The following PMEPA1 variants were observed in gnomAD, a reference collection of about 807,000 sequenced individuals.
PMEPA1 encodes the protein prostate transmembrane protein, androgen induced 1.
In PMEPA1, 11 loss-of-function variants were observed where a neutral mutation model predicts 23.0. The ratio of observed to expected loss-of-function variants is 0.48; its 90% CI spans 0.30 to 0.79. The LOEUF is 0.79. Ranked by LOEUF, PMEPA1 falls within the 30% of genes least tolerant of loss-of-function variation. The probability of loss-of-function intolerance (pLI) is 0.06; values close to 1 mark genes in which losing one functional copy is unlikely to be tolerated. For missense variants in PMEPA1, 377 were observed against 390.9 expected, an observed-to-expected ratio of 0.96 and a Z score of 0.30; for synonymous variants, 204 against 166.4, an observed-to-expected ratio of 1.23 and a Z score of -1.74.
chr20:57,710,048 G>A (rs2072151581), upstream of PMEPA1: 1 of 1,001,088 alleles, frequency 1.0e-6, no homozygotes, highest in Non-Finnish European at 1.2e-6. Context: ...GGTTCCCACC[G>A]CGCGGGGGCC....
At chr20:57,670,161 G>A (rs911171948) in intron 1 of PMEPA1, among the ~76,000 whole-genome samples, 6 of 143,836 alleles carry the variant, frequency 4.2e-5, no homozygotes, top group Admixed American at 7.0e-5. Context: ...CAGACATCTC[G>A]CTTCCTGGGC....
chr20:57,699,499 A>G (rs1396808547), intron 1 of PMEPA1, among the ~76,000 whole-genome samples: 1 of 152,176 alleles, frequency 6.6e-6, no homozygotes, highest in Non-Finnish European at 1.5e-5. Context: ...GAGCTATGTT[A>G]AAGAGCCCCA....
chr20:57,658,770 T>C (rs978561560), intron 2 of PMEPA1, among the ~76,000 whole-genome samples: 3 of 152,168 alleles, frequency 2.0e-5, no homozygotes, highest in African/African-American at 7.2e-5. Flanking sequence ...CTCCAAGGCA[T>C]TGTGACCACA....
chr20:57,688,804 G>T (rs3795099), intron 1 of PMEPA1, among the ~76,000 whole-genome samples: 35,566 of 152,128 alleles, frequency 0.23, 5,177 homozygotes, highest in East Asian at 0.55. Flanking sequence ...AGTACTTGGA[G>T]CTTCTTGTCA....
At position 57,662,101 on chromosome 20, in the gene PMEPA1, A is replaced by C. The variant is rs139328621; in HGVS notation, c.110-2404T>G. On this transcript the variant is annotated intron_variant, in intron 1 of 3. Transcript: ENST00000341744. The stretch of plus-strand genomic sequence containing the variant: ...CCATTGTCTACACTGCTAATGAGCC[A>C]GTGTTTCTCAGCTGGGGCCACGTCT... Among the ~76,000 whole-genome samples the C allele has an allele frequency of 4.5e-3, 646 of 144,728 alleles. 11 individuals carry two copies. Among genetic ancestry groups the C allele is most frequent in the African/African-American group, 0.016 (623 of 38,010 alleles). The allele number at this position is 144,728 out of a possible 152,430, so 94.9% of individuals were successfully genotyped here.
rs1040396519 is a variant in PMEPA1, at chr20:57,655,352, C to T, written c.265-2266G>A. Among the ~76,000 whole-genome samples the T allele has an allele frequency of 9.2e-5, 14 of 152,206 alleles. No homozygotes were observed. The highest frequency in any genetic ancestry group is 2.6e-4 in the Admixed American group (4 of 15,290). On this transcript the variant is annotated intron_variant, in intron 2 of 3. Transcript: ENST00000341744. The surrounding 1 kb of genome is among the most constrained non-coding windows in gnomAD (Gnocchi z 4.2). ...TCCCATCTCCTCCAGTCCCCTCCTGCACCACAGCCTTTGTCCCTCTGCCCC... is the reference window on the plus strand; with the variant it reads ...TCCCATCTCCTCCAGTCCCCTCCTGTACCACAGCCTTTGTCCCTCTGCCCC...
At chr20:57,690,589 G>A in intron 1 of PMEPA1, 1 of 1,243,226 alleles carries the variant, frequency 8.0e-7, no homozygotes, top group South Asian at 1.4e-5. Flanking sequence ...CGGGTGTAGA[G>A]GGTCATGTGC....
chr20:57,649,935 C>T lies in PMEPA1; in HGVS notation c.*2118G>A, dbSNP rs1413557829. The T allele has an allele frequency of 6.6e-6, 1 of 152,668 alleles. No homozygotes were observed. Among genetic ancestry groups the T allele is most frequent in the Non-Finnish European group, 1.5e-5 (1 of 68,042 alleles). 9.5% of individuals were successfully genotyped at this position (152,668 alleles called of 1,614,324 possible). A position where few individuals can be genotyped will look rare whatever the true frequency, so the allele number is the denominator to read the frequency against. ...TAAAGGAAAGATACGTTTTAATCAT[C>T]TTTACAAGTGCGTCCTTGTACCTTT... is the stretch of plus-strand genomic sequence containing the variant. On this transcript the variant is annotated 3_prime_UTR_variant, in exon 4 of 4. Coordinates refer to ENST00000341744, the MANE Select transcript of PMEPA1 (RefSeq NM_020182.5).
chr20:57,670,206 G>C (rs157082), intron 1 of PMEPA1, among the ~76,000 whole-genome samples: 23,655 of 149,490 alleles, frequency 0.16, 2,010 homozygotes, highest in South Asian at 0.26. Context: ...GGGGTGGGGT[G>C]GGGGGGGTAG....
intron 1 of PMEPA1, among the ~76,000 whole-genome samples, chr20:57,674,757 G>A (rs553991646): frequency 4.3e-4 from 66 of 152,128 alleles, no homozygotes; most frequent in African/African-American, 1.3e-3. Context: ...TATATTTATC[G>A]TGCCCCTGCT....
In PMEPA1 at chr20:57,655,626, C is replaced by G. The variant is rs1302873378; in HGVS notation, c.265-2540G>C. ...GCCTCTGGCTATGTCTGCCAGTCAC[C>G]CCAGGTGGAGGACAAGGACAGGTTC... On this transcript the variant is annotated intron_variant, in intron 2 of 3. Coordinates refer to ENST00000341744, the MANE Select transcript of PMEPA1 (RefSeq NM_020182.5). The surrounding 1 kb of genome is among the most constrained non-coding windows in gnomAD (Gnocchi z 4.2). Among the ~76,000 whole-genome samples, 1 of 152,162 alleles carries G rather than the reference C, an allele frequency of 6.6e-6. No homozygotes were observed.
chr20:57,693,098 G>A (rs979302615), intron 1 of PMEPA1, among the ~76,000 whole-genome samples: 1 of 152,218 alleles, frequency 6.6e-6, no homozygotes, highest in Non-Finnish European at 1.5e-5. Context: ...TGGCCGCCTC[G>A]CTCTGCGTTC....
Position 57,651,728 on chromosome 20 carries a change from CAAAA to C in PMEPA1, c.*321_*324del, listed in dbSNP as rs1169973907. The C allele has an allele frequency of 5.5e-6, 1 of 183,394 alleles. No homozygotes were observed. Among genetic ancestry groups the C allele is most frequent in the African/African-American group, 2.3e-5 (1 of 42,622 alleles). The allele number at this position is 183,394 out of a possible 1,614,324, so 11.4% of individuals were successfully genotyped here. On this transcript the variant is annotated 3_prime_UTR_variant, in exon 4 of 4. Coordinates refer to ENST00000341744, the MANE Select transcript of PMEPA1 (RefSeq NM_020182.5). ...TAAAGTTAAGTGAAATTATCATAAA[CAAAA>C]GAAAATAAGCATTCACGCACGCAGC...
intron 1 of PMEPA1, among the ~76,000 whole-genome samples, chr20:57,674,864 T>G (rs2071615048): frequency 6.6e-6 from 1 of 152,242 alleles, no homozygotes; most frequent in African/African-American, 2.4e-5. Context: ...CTGTCCTCTC[T>G]GGAGCACAGC....
intron 1 of PMEPA1, among the ~76,000 whole-genome samples, chr20:57,685,691 G>A (rs541205034): frequency 8.5e-5 from 13 of 152,198 alleles, no homozygotes; most frequent in South Asian, 6.2e-4. Context: ...AGGACTGTAC[G>A]TGGCCGCCCA....
At position 57,656,500 on chromosome 20, in the gene PMEPA1, C is replaced by T. The variant is rs970632474; in HGVS notation, c.264+3043G>A. On this transcript the variant is annotated intron_variant, in intron 2 of 3. Coordinates refer to ENST00000341744, the MANE Select transcript of PMEPA1 (RefSeq NM_020182.5). The surrounding 1 kb of genome is among the most constrained non-coding windows in gnomAD (Gnocchi z 4.7). Reference sequence around the variant, plus strand: ...GACTGGGATTGCCTTTCTGGGTAAACCTGAAGTCTGCGCCACTCCGTGGCT... The same window carrying T: ...GACTGGGATTGCCTTTCTGGGTAAATCTGAAGTCTGCGCCACTCCGTGGCT... Among the ~76,000 whole-genome samples, 3 of 152,100 alleles carry T rather than the reference C, an allele frequency of 2.0e-5. No homozygotes were observed. Among genetic ancestry groups the T allele is most frequent in the African/African-American group, 7.2e-5 (3 of 41,444 alleles).
At chr20:57,668,905 G>C (rs976749356) in intron 1 of PMEPA1, among the ~76,000 whole-genome samples, 4 of 152,090 alleles carry the variant, frequency 2.6e-5, no homozygotes, top group African/African-American at 9.7e-5. Flanking sequence ...CCCTGCCTCA[G>C]ACTAAAACAG....
At position 57,668,757 on chromosome 20, in the gene PMEPA1, T is replaced by C. The variant is rs539690929; in HGVS notation, c.110-9060A>G. Among the ~76,000 whole-genome samples, 7 of 152,364 alleles carry C rather than the reference T, an allele frequency of 4.6e-5. No individual in the cohort carries two copies. In the South Asian group the frequency reaches 1.2e-3, roughly 27 times the overall value. ...CCCCCATGTGCTCTGTTCCAGCCAC[T>C]TGTTTTCTGTTCTATAAAAGCACCA... On this transcript the variant is annotated intron_variant, in intron 1 of 3. Coordinates refer to ENST00000341744, the MANE Select transcript of PMEPA1 (RefSeq NM_020182.5).
rs749856680 is a variant in PMEPA1, at chr20:57,682,238, G to A, written c.110-22541C>T. Among the ~76,000 whole-genome samples the A allele has an allele frequency of 6.6e-6, 1 of 152,226 alleles. No homozygotes were observed. The highest frequency in any genetic ancestry group is 1.5e-5 in the Non-Finnish European group (1 of 68,048). On this transcript the variant is annotated intron_variant, in intron 1 of 3. Coordinates refer to ENST00000341744, the MANE Select transcript of PMEPA1 (RefSeq NM_020182.5). The surrounding 1 kb of genome is among the most constrained non-coding windows in gnomAD (Gnocchi z 4.4). The stretch of plus-strand genomic sequence containing the variant: ...ACAGCTACCTTCGATGGGAGGTGAC[G>A]GCGTAGCAAAGGCTCCCAGTGGGAA...
Sources: gnomAD v4.1 joint callset for allele counts (sites outside exome capture counted in the v4.1 genomes callset) on GRCh38, gnomAD v4.1.1 for gene constraint, Gnocchi (gnomAD v3.1) non-coding constraint, MANE v1.5 for transcripts, NCBI Gene and HGNC (gene_info 2026-07-23, HGNC 2026-07-21) for gene names.